GSTA2: variants seen among roughly 807,000 people sequenced by gnomAD.
The protein encoded by GSTA2 is glutathione S-transferase alpha 2.
Under a neutral mutation model 22.4 loss-of-function variants are expected in GSTA2, and 27 were observed. The observed-to-expected ratio is 1.21, with a 90% CI of 0.89 to 1.67. GSTA2 has a LOEUF of 1.67. Ranked by LOEUF, GSTA2 falls within the 40% of genes most tolerant of loss-of-function variation. GSTA2 has a pLI of 0.00. For missense variants in GSTA2, 302 were observed against 260.2 expected, an observed-to-expected ratio of 1.16 and a Z score of -1.11; for synonymous variants, 121 against 86.8, an observed-to-expected ratio of 1.39 and a Z score of -2.19.
At chr6:52,761,945 T>C (rs1453542756) in intron 1 of GSTA2, among the ~76,000 whole-genome samples, 2 of 150,776 alleles carry the variant, frequency 1.3e-5, no homozygotes, top group Non-Finnish European at 2.9e-5. Flanking sequence ...GAGATGCTGT[T>C]AATCTGTAAC....
chr6:52,753,305 G>A (rs1214110928), intron 4 of GSTA2, among the ~76,000 whole-genome samples: 2 of 152,070 alleles, frequency 1.3e-5, no homozygotes, highest in Non-Finnish European at 1.5e-5. Flanking sequence ...AGAAATTGGT[G>A]GAATCACTGC....
At chr6:52,750,810 T>A in intron 6 of GSTA2, 111 bp from the exon 7 acceptor site, 1 of 1,368,110 alleles carries the variant, frequency 7.3e-7, no homozygotes, top group Non-Finnish European at 1.0e-6. Flanking sequence ...AGTGAGTCGC[T>A]TCCACTTGGG....
chr6:52,760,705 T>C (rs973488335), intron 1 of GSTA2, among the ~76,000 whole-genome samples: 1 of 152,152 alleles, frequency 6.6e-6, no homozygotes, highest in Non-Finnish European at 1.5e-5. Flanking sequence ...TCCTATTCAA[T>C]GTATATTAGC....
In GSTA2 at chr6:52,750,630, G is replaced by A. The variant is rs766157905; in HGVS notation, c.616C>T (p.Pro206Ser). The change falls in exon 7 of 7, where the codon CCT becomes TCT. Residue 206 changes from proline (P) to serine (S), a missense_variant. Physicochemically the swap from Pro to Ser is moderately conservative, Grantham distance 74 (BLOSUM62 -1). Coordinates refer to ENST00000493422, the MANE Select transcript of GSTA2 (RefSeq NM_000846.5). ...TCTAAAGATTTCTCATCCATGGGAG[G>A]CTTCCTTGGGCTGCCAGGCTGTAGA... is the stretch of plus-strand genomic sequence containing the variant. ...KFLQPGSPRK[P>S]PMDEKSLEES... 6.2e-7 allele frequency: 1 copy of A among 1,613,556 alleles called. No homozygotes were observed. The highest frequency in any genetic ancestry group is 8.5e-7 in the Non-Finnish European group (1 of 1,179,654).
chr6:52,756,077 G>A (rs2749004), intron 3 of GSTA2, among the ~76,000 whole-genome samples, 181 bp downstream of exon 3: 7 of 152,102 alleles, frequency 4.6e-5, no homozygotes, highest in South Asian at 4.2e-4. Context: ...GGTCCTTTAA[G>A]CCTGGAGAGA....
At chr6:52,750,815 C>T in intron 6 of GSTA2, 116 bp from the exon 7 acceptor site, 1 of 1,330,944 alleles carries the variant, frequency 7.5e-7, no homozygotes, top group Non-Finnish European at 1.0e-6. Context: ...GTCGCTTCCA[C>T]TTGGGTGAAG....
In GSTA2 at chr6:52,750,458, A is replaced by G. The variant is rs1762714308; in HGVS notation, c.*119T>C. The G allele has an allele frequency of 1.1e-6, 1 of 897,986 alleles. No homozygotes were observed. The highest frequency in any genetic ancestry group is 1.7e-5 in the African/African-American group (1 of 59,052). The allele number at this position is 897,986 out of a possible 1,614,324, so 55.6% of individuals were successfully genotyped here. On this transcript the variant is annotated 3_prime_UTR_variant, in exon 7 of 7. Coordinates refer to ENST00000493422, the MANE Select transcript of GSTA2 (RefSeq NM_000846.5). Reference sequence around the variant, plus strand: ...GAGTTGTATTATTTAATTAGCATATAATTTGAAAGAGTTCATTAGCTTCAC... The same window carrying G: ...GAGTTGTATTATTTAATTAGCATATGATTTGAAAGAGTTCATTAGCTTCAC...
chr6:52,754,973 A>T lies in GSTA2; in HGVS notation c.242T>A (p.Leu81His), dbSNP rs372647174. Reference sequence around the variant, plus strand: ...TTTCTCCTTTATGTCTTTCCCATAGAGGTTGTATTTGCTGGCAATGTAGTT... The same window carrying T: ...TTTCTCCTTTATGTCTTTCCCATAGTGGTTGTATTTGCTGGCAATGTAGTT... Reference protein sequence around the residue: ...ILNYIASKYNLYGKDIKEKAL... With the variant: ...ILNYIASKYNHYGKDIKEKAL... Residue 81 changes from leucine (L) to histidine (H), a missense_variant, in exon 4 of 7, where the codon CTC becomes CAC. By Grantham distance (99) the Leu-to-His change is moderately conservative. Transcript: ENST00000493422. 235 of 1,613,912 alleles carry T rather than the reference A, an allele frequency of 1.5e-4. 2 individuals carry two copies. The highest frequency in any genetic ancestry group is 1.9e-4 in the Non-Finnish European group (223 of 1,179,992).
chr6:52,750,374 A>T lies in GSTA2; in HGVS notation c.*203T>A, dbSNP rs1207489148. On this transcript the variant is annotated 3_prime_UTR_variant, in exon 7 of 7. Transcript: ENST00000493422. Reference sequence around the variant, plus strand: ...TTGTTGGCTAGGAGGAGATTGGAAAACTGAATTCACATCAGATCCTAATGA... The same window carrying T: ...TTGTTGGCTAGGAGGAGATTGGAAATCTGAATTCACATCAGATCCTAATGA... 7.1e-6 allele frequency: 3 copies of T among 424,736 alleles called. No individual in the cohort carries two copies. The highest frequency in any genetic ancestry group is 4.1e-5 in the African/African-American group (2 of 48,960). 26.3% of individuals were successfully genotyped at this position (424,736 alleles called of 1,614,324 possible).
At position 52,756,268 on chromosome 6, in the gene GSTA2, C is replaced by T. The variant is rs774435860; in HGVS notation, c.129G>A (p.Lys43=). 6.2e-6 allele frequency: 10 copies of T among 1,604,248 alleles called. No individual in the cohort carries two copies. The Admixed American group carries it at 1.7e-4, about 27-fold the overall frequency. ...KFIKSAEDLD[K]LRNDGYLMFQ... ...AGAGGTTGATCTTACCATTTCTTAA[C>T]TTGTCCAAATCTTCTGCAGATTTTA... The change falls in exon 3 of 7, where the codon AAG becomes AAA. Residue 43 remains lysine, a synonymous_variant. Coordinates refer to ENST00000493422, the MANE Select transcript of GSTA2 (RefSeq NM_000846.5).
In GSTA2 at chr6:52,752,982, TATACATATCA is replaced by T; in HGVS notation, c.276_285del (p.Asp93Ter). 1.2e-6 allele frequency: 2 copies of T among 1,604,252 alleles called. No homozygotes were observed. The highest frequency in any genetic ancestry group is 1.7e-6 in the Non-Finnish European group (2 of 1,176,018). On this transcript the variant is annotated frameshift_variant, in exon 5 of 7. Transcript: ENST00000493422. LOFTEE classifies it high-confidence loss of function. ...TCACCCAAATCTGCTATACCTTCTA[TATACATATCA>T]ATCCTGAAAGACAAAAACAACCAAA...
intron 4 of GSTA2, among the ~76,000 whole-genome samples, chr6:52,753,810 T>C (rs565377769): frequency 4.9e-4 from 75 of 152,258 alleles, no homozygotes; most frequent in Middle Eastern, 3.2e-3. Context: ...AATCACAGTC[T>C]AATTGCAGAA....
chr6:52,761,923 T>C (rs975044710), intron 1 of GSTA2, among the ~76,000 whole-genome samples: 1 of 150,720 alleles, frequency 6.6e-6, no homozygotes, highest in African/African-American at 2.4e-5. Flanking sequence ...CTAAGAGAAA[T>C]TCTTCTGCCT....
intron 3 of GSTA2, 125 bp from the exon 4 acceptor site, chr6:52,755,200 G>T: frequency 9.0e-5 from 98 of 1,088,360 alleles, no homozygotes; most frequent in Non-Finnish European, 1.1e-4. Flanking sequence ...CCTGGTAAGA[G>T]TTCACTTGAA....
At chr6:52,762,342 A>G (rs1386344519) in intron 1 of GSTA2, among the ~76,000 whole-genome samples, 1 of 152,216 alleles carries the variant, frequency 6.6e-6, no homozygotes, top group African/African-American at 2.4e-5. Flanking sequence ...ATCCCTGGGC[A>G]ATGGAATGTC....
At chr6:52,758,010 T>C in intron 1 of GSTA2, 33 bp from the exon 2 acceptor site, 3 of 1,238,196 alleles carry the variant, frequency 2.4e-6, no homozygotes, top group South Asian at 2.4e-5. Context: ...GAATGAATAA[T>C]TGAAACGATA....
At chr6:52,758,284 G>A (rs1054295476) in intron 1 of GSTA2, among the ~76,000 whole-genome samples, 1 of 152,110 alleles carries the variant, frequency 6.6e-6, no homozygotes, top group African/African-American at 2.4e-5. Context: ...AAGAATTCAA[G>A]AACTAATATT....
At chr6:52,755,215 CTTTTTTT>C in intron 3 of GSTA2, 140 bp from the exon 4 acceptor site, 1 of 709,038 alleles carries the variant, frequency 1.4e-6, no homozygotes, top group Non-Finnish European at 2.1e-6. Flanking sequence ...CTTGAAACAA[CTTTTTTT>C]TTTTTTTTTT....
Position 52,756,308 on chromosome 6 carries a change from A to G in GSTA2, c.89T>C (p.Phe30Ser), listed in dbSNP as rs780797754. Residue 30 changes from phenylalanine to serine, a missense_variant and splice_region_variant, in exon 3 of 7, where the codon TTT (phenylalanine) becomes TCT (serine). By Grantham distance (155) the Phe-to-Ser change is radical. Transcript: ENST00000493422. ...RWLLAAAGVEFEEKFIKSAED... is the reference protein window; with the variant it reads ...RWLLAAAGVESEEKFIKSAED... ...TGCAGATTTTATAAATTTCTCTTCA[A>G]ACTGGAAGCAGAAACAGTAAATATG... is the stretch of plus-strand genomic sequence containing the variant. 6.3e-6 allele frequency: 10 copies of G among 1,599,102 alleles called. No homozygotes were observed. Among genetic ancestry groups the G allele is most frequent in the Non-Finnish European group, 8.6e-6 (10 of 1,166,858 alleles).
Sources: allele counts gnomAD v4.1 joint callset (sites outside exome capture counted in the v4.1 genomes callset), GRCh38; gene constraint gnomAD v4.1.1; transcripts MANE v1.5; gene names NCBI Gene and HGNC (gene_info 2026-07-23, HGNC 2026-07-21).